Variants in CNNM2 observed in about 807,000 individuals in gnomAD.
CNNM2 encodes the protein metal transporter CNNM2.
In CNNM2, 12 loss-of-function variants were observed where a neutral mutation model predicts 66.9. The observed-to-expected ratio is 0.18, with a 90% CI of 0.11 to 0.29. The LOEUF (loss-of-function observed/expected upper bound fraction) is 0.29, where lower values mean the gene tolerates loss of function less well. CNNM2 is among the 10% of genes least tolerant of loss of function. The probability of loss-of-function intolerance (pLI) is 1.00; values close to 1 mark genes in which losing one functional copy is unlikely to be tolerated. For missense variants in CNNM2, 705 were observed against 1,167.7 expected (o/e 0.60, Z 5.77); for synonymous variants, 557 against 501.8 (o/e 1.11, Z -1.47).
chr10:103,061,680 C>T (rs2065388606), intron 4 of CNNM2, among the ~76,000 whole-genome samples: 1 of 152,142 alleles, frequency 6.6e-6, no homozygotes, highest in African/African-American at 2.4e-5. Context: ...ATCCTAAAAT[C>T]TGATAATATA....
chr10:103,010,973 T>C (rs1439914114), intron 1 of CNNM2, among the ~76,000 whole-genome samples: 1 of 152,216 alleles, frequency 6.6e-6, no homozygotes, highest in African/African-American at 2.4e-5. Flanking sequence ...AATTACCCTG[T>C]ATTACTTTCT....
chr10:103,015,747 G>C (rs1359419333), intron 1 of CNNM2, among the ~76,000 whole-genome samples: 1 of 152,112 alleles, frequency 6.6e-6, no homozygotes, highest in Non-Finnish European at 1.5e-5. Context: ...CAGCTACTCG[G>C]GAGGCTGAAG....
At chr10:103,012,298 A>G (rs2064358076) in intron 1 of CNNM2, among the ~76,000 whole-genome samples, 1 of 152,158 alleles carries the variant, frequency 6.6e-6, no homozygotes, top group South Asian at 2.1e-4. Context: ...CCCACCACCA[A>G]TGTAGGAGAG....
At chr10:103,029,527 TGTGAAA>T (rs543322939) in intron 1 of CNNM2, among the ~76,000 whole-genome samples, 28 of 151,574 alleles carry the variant, frequency 1.8e-4, no homozygotes, top group African/African-American at 6.8e-4. Context: ...AGGCTTTAGA[TGTGAAA>T]GAGAACCCTT....
In CNNM2 at chr10:103,071,820, G is replaced by T; in HGVS notation, c.2214G>T (p.Leu738Phe). 6.2e-7 allele frequency: 1 copy of T among 1,613,894 alleles called. No individual in the cohort carries two copies. The highest frequency in any genetic ancestry group is 8.5e-7 in the Non-Finnish European group (1 of 1,179,836). ...CCTTTGTTGTCAGCAGAACAGAGTT[G>T]TTAGCAGCAGGTTCTCCAGGTAATT... is the stretch of plus-strand genomic sequence containing the variant. ...SRTFVVSRTELLAAGSPGENK... is the reference protein window; with the variant it reads ...SRTFVVSRTEFLAAGSPGENK... Residue 738 changes from leucine (L) to phenylalanine (F), a missense_variant, in exon 6 of 8, where the codon TTG becomes TTT. Leu to Phe is a conservative substitution (Grantham distance 22). Around this residue, in one of 9 missense-constraint regions of CNNM2, gnomAD observed 194 missense variants for 227.6 expected, o/e 0.85. Coordinates refer to ENST00000369878, the MANE Select transcript of CNNM2 (RefSeq NM_017649.5).
chr10:102,918,801 G>A lies in CNNM2; in HGVS notation c.321G>A (p.Gly107=). The change falls in exon 1 of 8, where the codon GGG becomes GGA. Residue 107 remains glycine (G), a synonymous_variant. Transcript: ENST00000369878. This position sits in a 1 kb window ranked among gnomAD's most constrained non-coding sequence, Gnocchi z 4.1. ...CCCGGGTCAAGCTGCGGGTGTACGG[G>A]CAGAACATCAATAACGAGACGTGGT... is the stretch of plus-strand genomic sequence containing the variant. ...ERTRVKLRVY[G]QNINNETWSR... 1.9e-6 allele frequency: 3 copies of A among 1,600,202 alleles called. No individual in the cohort carries two copies. The highest frequency in any genetic ancestry group is 1.1e-5 in the South Asian group (1 of 88,810).
Position 103,023,639 on chromosome 10 carries a change from A to C in CNNM2, c.1622-26068A>C, listed in dbSNP as rs990323333. On this transcript the variant is annotated intron_variant, in intron 1 of 7. Transcript: ENST00000369878. ...GAGGAGTCCACCCCCATGATCCAGTACCTCTCACTAGGCCCCATCTCCAAC... is the reference window on the plus strand; with the variant it reads ...GAGGAGTCCACCCCCATGATCCAGTCCCTCTCACTAGGCCCCATCTCCAAC... 5.9e-5 allele frequency among the ~76,000 whole-genome samples: 9 copies of C among 152,088 alleles called. No individual in the cohort carries two copies. In the East Asian group the frequency reaches 1.7e-3, roughly 29 times the overall value.
chr10:102,982,809 CTAAT>C (rs1008327677), intron 1 of CNNM2, among the ~76,000 whole-genome samples: 1 of 152,176 alleles, frequency 6.6e-6, no homozygotes, highest in Non-Finnish European at 1.5e-5. Flanking sequence ...CATTTTTAAA[CTAAT>C]TAGTGATGGA....
chr10:103,058,752 C>A (rs893364318), intron 4 of CNNM2, among the ~76,000 whole-genome samples: 1 of 152,082 alleles, frequency 6.6e-6, no homozygotes, highest in African/African-American at 2.4e-5. Flanking sequence ...ACAGGACTTA[C>A]GGAGATGTTT....
chr10:103,059,261 A>G (rs935146069), intron 4 of CNNM2, among the ~76,000 whole-genome samples: 1 of 152,200 alleles, frequency 6.6e-6, no homozygotes, highest in Non-Finnish European at 1.5e-5. Context: ...AGCATGAGCC[A>G]CCGCGTCTGG....
rs763792047 is a variant in CNNM2 at position 102,918,932 on chromosome 10, G to T, written c.452G>T (p.Gly151Val). ...PEPDSGPQRCGIRTSDIIILP... is the reference protein window; with the variant it reads ...PEPDSGPQRCVIRTSDIIILP... ...CCGGACAGCGGCCCCCAGCGATGCG[G>T]CATCCGCACCTCAGACATCATCATC... is the stretch of plus-strand genomic sequence containing the variant. The change falls in exon 1 of 8, where the codon GGC becomes GTC. Residue 151 changes from glycine to valine, a missense_variant. Transcript: ENST00000369878. This position sits in a 1 kb window ranked among gnomAD's most constrained non-coding sequence, Gnocchi z 4.1. 3 of 1,612,098 alleles carry T rather than the reference G, an allele frequency of 1.9e-6. No individual in the cohort carries two copies.
At chr10:102,978,489 C>T (rs181461543) in intron 1 of CNNM2, among the ~76,000 whole-genome samples, 24 of 152,154 alleles carry the variant, frequency 1.6e-4, no homozygotes, top group African/African-American at 3.1e-4. Context: ...CACTCCATAC[C>T]ATCTCTACCT....
rs117396069 is a variant in CNNM2 at position 103,032,095 on chromosome 10, G to A, written c.1622-17612G>A. On this transcript the variant is annotated intron_variant, in intron 1 of 7. Transcript: ENST00000369878. ...TGGCTTTTTAGAGGTGTCCAACACT[G>A]TCAGAGGACCCTATTCCCCTTGATC... Among the ~76,000 whole-genome samples, 149 of 152,282 alleles carry A rather than the reference G, an allele frequency of 9.8e-4. No homozygotes were observed. The highest frequency in any genetic ancestry group is 1.9e-3 in the Non-Finnish European group (126 of 68,014).
intron 1 of CNNM2, among the ~76,000 whole-genome samples, chr10:102,980,256 A>T: frequency 6.6e-6 from 1 of 151,568 alleles, no homozygotes. Context: ...TCTCTTTCTC[A>T]TACCATTAAA....
chr10:102,924,674 G>A (rs1845786673), intron 1 of CNNM2, among the ~76,000 whole-genome samples: 1 of 146,544 alleles, frequency 6.8e-6, no homozygotes. Context: ...TTGCTATGTT[G>A]CCCAGGCCTG....
chr10:103,031,784 T>A (rs976805070), intron 1 of CNNM2, among the ~76,000 whole-genome samples: 1 of 152,048 alleles, frequency 6.6e-6, no homozygotes, highest in African/African-American at 2.4e-5. Flanking sequence ...TAGAACCTTT[T>A]TAGGAACCTA....
chr10:102,973,924 C>G (rs2134219865), intron 1 of CNNM2, among the ~76,000 whole-genome samples: 1 of 152,050 alleles, frequency 6.6e-6, no homozygotes, highest in Non-Finnish European at 1.5e-5. Context: ...TGAAACCCAC[C>G]TATCCTTTCT....
intron 4 of CNNM2, among the ~76,000 whole-genome samples, chr10:103,066,964 T>C (rs887123804): frequency 1.3e-5 from 2 of 152,184 alleles, no homozygotes. Flanking sequence ...TAGGGACTGG[T>C]GAACTGTCAT....
At chr10:103,067,773 G>A (rs2065505924) in intron 4 of CNNM2, among the ~76,000 whole-genome samples, 1 of 152,178 alleles carries the variant, frequency 6.6e-6, no homozygotes, top group Non-Finnish European at 1.5e-5. Flanking sequence ...TTGTCGACAA[G>A]TTAGCGAAAG....
Sources: allele counts gnomAD v4.1 joint callset (sites outside exome capture counted in the v4.1 genomes callset), GRCh38; gene constraint gnomAD v4.1.1; regional missense constraint gnomAD v4.1.1; non-coding constraint Gnocchi (gnomAD v3.1); transcripts MANE v1.5; gene names NCBI Gene and HGNC (gene_info 2026-07-23, HGNC 2026-07-21).